Variants in NAALADL2 observed in about 807,000 individuals in gnomAD.
NAALADL2 encodes N-acetylated alpha-linked acidic dipeptidase like 2.
NAALADL2 carries 76 observed loss-of-function variants against 87.2 expected under a neutral mutation model. That is an observed-to-expected ratio of 0.87 (90% CI 0.72 to 1.05). The LOEUF (loss-of-function observed/expected upper bound fraction) is 1.05. Among genes scored for constraint, NAALADL2 ranks in the 50% least tolerant of loss-of-function variants. The pLI is 0.00. For synonymous variants in NAALADL2, 354 were observed against 331.0 expected (o/e 1.07, Z -0.75); for missense variants, 1,089 against 945.8 (o/e 1.15, Z -1.99).
intron 3 of NAALADL2, among the ~76,000 whole-genome samples, chr3:174,756,953 A>AAAAAAC (rs558773423): frequency 1.6e-4 from 24 of 149,774 alleles, no homozygotes; most frequent in Non-Finnish European, 2.7e-4. Context: ...TATAGACAAA[A>AAAAAAC]AAAACAAAAC....
At chr3:175,732,508 G>A (rs1583045562) in intron 11 of NAALADL2, among the ~76,000 whole-genome samples, 1 of 152,270 alleles carries the variant, frequency 6.6e-6, no homozygotes, top group South Asian at 2.1e-4. Context: ...AGGTGTAGTT[G>A]TATCCCTCAC....
At chr3:174,685,670 T>A (rs1560143637) in intron 2 of NAALADL2, among the ~76,000 whole-genome samples, 1 of 10,222 alleles carries the variant, frequency 9.8e-5, no homozygotes, top group Non-Finnish European at 2.3e-4. Context: ...CATTTACTTT[T>A]ATTTAACTTT....
chr3:174,688,406 A>C (rs1048790836), intron 2 of NAALADL2, among the ~76,000 whole-genome samples: 28 of 129,284 alleles, frequency 2.2e-4, no homozygotes. Context: ...TAATATAAAA[A>C]ATATAAACAA....
At chr3:174,694,853 G>T (rs990951603) in intron 2 of NAALADL2, among the ~76,000 whole-genome samples, 2 of 151,910 alleles carry the variant, frequency 1.3e-5, no homozygotes, top group African/African-American at 4.8e-5. Context: ...GGTGTAAAAG[G>T]TTAAGTACTG....
At chr3:175,138,373 T>G (rs900177368) in intron 2 of NAALADL2, among the ~76,000 whole-genome samples, 2 of 152,156 alleles carry the variant, frequency 1.3e-5, no homozygotes, top group Non-Finnish European at 2.9e-5. Context: ...GGGGCAGGTA[T>G]GCTGACGTTC....
intron 3 of NAALADL2, among the ~76,000 whole-genome samples, chr3:174,769,851 C>A (rs1483258735): frequency 6.6e-6 from 1 of 151,218 alleles, no homozygotes; most frequent in South Asian, 2.1e-4. Context: ...AGATCTAAAC[C>A]CTGTTGCCTG....
intron 2 of NAALADL2, among the ~76,000 whole-genome samples, chr3:175,126,340 A>G (rs1002895455): frequency 6.6e-6 from 1 of 152,124 alleles, no homozygotes; most frequent in Non-Finnish European, 1.5e-5. Context: ...GAAAAGGTAC[A>G]TTTTAAAGCA....
rs138374869 is a variant in NAALADL2, at chr3:175,097,426, A to C, written c.545+135A>C. The C allele has an allele frequency of 7.4e-6, 6 of 806,668 alleles. No individual in the cohort carries two copies. The African/African-American group carries it at 1.0e-4, about 14-fold the overall frequency. The allele number at this position is 806,668 out of a possible 1,614,324, so 50.0% of individuals were successfully genotyped here. ...AGAAACATATCACCACAACAAGAAT[A>C]GAAACTTCAAAGAGGGGAGCGCACA... is the stretch of plus-strand genomic sequence containing the variant. On this transcript the variant is annotated intron_variant, in intron 2 of 13. Transcript: ENST00000454872.
chr3:175,311,140 G>A (rs954483161), intron 4 of NAALADL2, among the ~76,000 whole-genome samples: 8 of 151,492 alleles, frequency 5.3e-5, no homozygotes, highest in Admixed American at 1.3e-4. Context: ...TCAGTTCCTC[G>A]GATACTTCTT....
intron 1 of NAALADL2, among the ~76,000 whole-genome samples, chr3:175,071,697 G>A (rs547544856): frequency 6.6e-6 from 1 of 152,032 alleles, no homozygotes; most frequent in Admixed American, 6.6e-5. Context: ...CCAATGCCTG[G>A]TATCAAAACA....
At chr3:174,661,411 C>G (rs1725490231) in intron 2 of NAALADL2, among the ~76,000 whole-genome samples, 2 of 151,946 alleles carry the variant, frequency 1.3e-5, no homozygotes, top group Non-Finnish European at 2.9e-5. Context: ...TTTTTCTTAC[C>G]TGATACACCC....
chr3:174,810,177 T>C (rs1188333255), intron 3 of NAALADL2, among the ~76,000 whole-genome samples: 3 of 152,276 alleles, frequency 2.0e-5, no homozygotes, highest in East Asian at 3.9e-4. Context: ...GAAAAATTAG[T>C]ACTTAAGAGT....
chr3:175,329,202 C>A (rs1761112104), intron 5 of NAALADL2, among the ~76,000 whole-genome samples: 1 of 152,146 alleles, frequency 6.6e-6, no homozygotes, highest in South Asian at 2.1e-4. Context: ...GTATCTATGT[C>A]CCTCTCTCTG....
At position 175,755,270 on chromosome 3, in the gene NAALADL2, G is replaced by A. The variant is rs1747118066; in HGVS notation, c.2041G>A (p.Glu681Lys). The part of the protein sequence containing the change: ...QLLAMALRLR[E>K]SAELFQSDEM... Reference sequence around the variant, plus strand: ...GTTAGCCATGGCGTTACGCCTGCGGGAGAGTGCTGAACTTTTTCAGTCTGA... The same window carrying A: ...GTTAGCCATGGCGTTACGCCTGCGGAAGAGTGCTGAACTTTTTCAGTCTGA... The change falls in exon 13 of 14, where the codon GAG (glutamate) becomes AAG (lysine). Residue 681 changes from glutamate (E) to lysine (K), a missense_variant. Physicochemically the swap from Glu to Lys is moderately conservative, Grantham distance 56. Transcript: ENST00000454872. 1.9e-6 allele frequency: 3 copies of A among 1,613,492 alleles called. No homozygotes were observed. Among genetic ancestry groups the A allele is most frequent in the African/African-American group, 2.7e-5 (2 of 74,898 alleles).
rs35730234 is a variant in NAALADL2, at chr3:174,893,310, A to ACCC, written c.43+33867_43+33869dup. ...AAGAAATATCAAAGGGAGTACTTCAACCCCCCCCCGCAAAAAGTTATTATT... is the reference window on the plus strand; with the variant it reads ...AAGAAATATCAAAGGGAGTACTTCAACCCCCCCCCCCCGCAAAAAGTTATTATT... On this transcript the variant is annotated intron_variant, in intron 1 of 13. Transcript: ENST00000454872. Among the ~76,000 whole-genome samples, 420 of 139,204 alleles carry ACCC rather than the reference A, an allele frequency of 3.0e-3. 1 individual carries two copies. Among genetic ancestry groups the ACCC allele is most frequent in the African/African-American group, 0.011 (398 of 37,176 alleles). The allele number at this position is 139,204 out of a possible 152,430, so 91.3% of individuals were successfully genotyped here. A position where few individuals can be genotyped will look rare whatever the true frequency, so the allele number is the denominator to read the frequency against.
Position 175,234,043 on chromosome 3 carries a change from C to G in NAALADL2, c.658C>G (p.Leu220Val). The stretch of plus-strand genomic sequence containing the variant: ...TGTACAGTTTGTAAATTACTCTGTG[C>G]TGCTTGATCTGCCAGGCCCTTCTCC... ...EDVQFVNYSV[L>V]LDLPGPSPST... Residue 220 changes from leucine (L) to valine (V), a missense_variant, in exon 3 of 14, where the codon CTG (leucine) becomes GTG (valine). Coordinates refer to ENST00000454872, the MANE Select transcript of NAALADL2 (RefSeq NM_207015.3). 2.5e-6 allele frequency: 4 copies of G among 1,613,918 alleles called. No individual in the cohort carries two copies. The highest frequency in any genetic ancestry group is 3.4e-6 in the Non-Finnish European group (4 of 1,179,840).
intron 11 of NAALADL2, among the ~76,000 whole-genome samples, chr3:175,681,590 G>A (rs1735603501): frequency 6.6e-6 from 1 of 152,168 alleles, no homozygotes; most frequent in African/African-American, 2.4e-5. Context: ...TCTAAAAGAA[G>A]TGTTGCAAAA....
intron 11 of NAALADL2, among the ~76,000 whole-genome samples, chr3:175,647,376 CAG>C (rs1264187941): frequency 1.3e-5 from 2 of 151,968 alleles, no homozygotes; most frequent in African/African-American, 4.8e-5. Flanking sequence ...TAAAAAAAGA[CAG>C]AAATGTATAT....
intron 1 of NAALADL2, among the ~76,000 whole-genome samples, chr3:174,527,869 G>A (rs749028679): frequency 7.9e-5 from 12 of 152,120 alleles, no homozygotes; most frequent in Non-Finnish European, 1.3e-4. Context: ...TATTGGAAAG[G>A]GGATGTATCC....
Sources: allele counts gnomAD v4.1 joint callset (sites outside exome capture counted in the v4.1 genomes callset), GRCh38; gene constraint gnomAD v4.1.1; transcripts MANE v1.5; gene names NCBI Gene and HGNC (gene_info 2026-07-23, HGNC 2026-07-21).